KICS2: variants seen among roughly 807,000 people sequenced by gnomAD.
KICS2 encodes KICSTOR subunit 2.
KICS2 carries 13 observed loss-of-function variants against 31.4 expected under a neutral mutation model. The ratio of observed to expected loss-of-function variants is 0.41; its 90% confidence interval spans 0.27 to 0.66. KICS2 has a LOEUF of 0.66. Among genes scored for constraint, KICS2 ranks in the 30% least tolerant of loss-of-function variants. KICS2 has a pLI of 0.28. For synonymous variants in KICS2, 209 were observed against 214.8 expected, an observed-to-expected ratio of 0.97 and a Z score of 0.24; for missense variants, 455 against 545.4, an observed-to-expected ratio of 0.83 and a Z score of 1.65.
At chr12:64,204,776 C>CTG (rs2037521503) in intron 2 of KICS2, 1 of 150,746 alleles carries the variant, frequency 6.6e-6, no homozygotes, top group Non-Finnish European at 1.5e-5. Flanking sequence ...GAGTGAGACC[C>CTG]TGTGTTAAAA....
At chr12:64,220,650 G>C (rs2037672103) in intron 1 of KICS2, among the ~76,000 whole-genome samples, 1 of 151,828 alleles carries the variant, frequency 6.6e-6, no homozygotes, top group African/African-American at 2.4e-5. Context: ...CAGTATTACA[G>C]CTAGAATCCA....
rs2037389123 is a variant in KICS2 at position 64,192,541 on chromosome 12, T to G, written c.*1301A>C. On this transcript the variant is annotated 3_prime_UTR_variant, in exon 3 of 3. Coordinates refer to ENST00000398055, the MANE Select transcript of KICS2 (RefSeq NM_152440.5). ...TGGCATACCTGCTGTGGACACCCAG[T>G]AAAACAGTGGCTCCACACAATCATG... 2.1e-6 allele frequency: 2 copies of G among 935,408 alleles called. No individual in the cohort carries two copies. The highest frequency in any genetic ancestry group is 2.5e-6 in the Non-Finnish European group (2 of 784,574). 57.9% of individuals were successfully genotyped at this position (935,408 alleles called of 1,614,324 possible).
chr12:64,214,959 C>G (rs1018369859), intron 2 of KICS2, among the ~76,000 whole-genome samples: 47 of 152,072 alleles, frequency 3.1e-4, no homozygotes, highest in African/African-American at 9.4e-4. Context: ...AGATAAATCA[C>G]TGATTACTTT....
intron 2 of KICS2, among the ~76,000 whole-genome samples, chr12:64,202,718 TACTA>T (rs1190808945): frequency 2.0e-5 from 3 of 151,228 alleles, no homozygotes; most frequent in African/African-American, 7.3e-5. Flanking sequence ...TAAATCAGAT[TACTA>T]ACTCACTAAG....
At chr12:64,217,453 A>C (rs1478793245) in intron 1 of KICS2, among the ~76,000 whole-genome samples, 2 of 151,992 alleles carry the variant, frequency 1.3e-5, no homozygotes, top group East Asian at 3.9e-4. Context: ...TGCTAACACT[A>C]ACCATAGCTG....
chr12:64,216,019 C>T, intron 1 of KICS2, 56 bp from the exon 2 acceptor site: 1 of 1,474,800 alleles, frequency 6.8e-7, no homozygotes, highest in Non-Finnish European at 9.1e-7. Context: ...CCGTAAGTAC[C>T]AAACACCTAC....
At chr12:64,187,371 A>T (rs1428533106), downstream of KICS2, 7 of 501,736 alleles carry the variant, frequency 1.4e-5, no homozygotes, top group Non-Finnish European at 2.4e-5. Flanking sequence ...CAGAAGGGGG[A>T]ACCCATTTGC....
intron 2 of KICS2, among the ~76,000 whole-genome samples, chr12:64,209,451 GGCA>G (rs1270234737): frequency 6.6e-6 from 1 of 152,082 alleles, no homozygotes; most frequent in Non-Finnish European, 1.5e-5. Context: ...TGGGCATGGT[GGCA>G]GGCGCCTGTA....
intron 1 of KICS2, among the ~76,000 whole-genome samples, chr12:64,221,323 C>T (rs1297505234): frequency 6.6e-6 from 1 of 152,072 alleles, no homozygotes; most frequent in Non-Finnish European, 1.5e-5. Flanking sequence ...TATTCCATGC[C>T]TTTTACATCT....
chr12:64,186,613 A>G (rs1171859911), downstream of KICS2: 1 of 152,186 alleles, frequency 6.6e-6, no homozygotes, highest in Non-Finnish European at 1.5e-5. Context: ...TTTAAACATA[A>G]TGATTTTAGA....
intron 2 of KICS2, among the ~76,000 whole-genome samples, chr12:64,198,772 C>T (rs1422789620): frequency 7.6e-6 from 1 of 132,402 alleles, no homozygotes; most frequent in Admixed American, 7.8e-5. Context: ...AAGGGGATAT[C>T]ACCACTGATC....
intron 1 of KICS2, among the ~76,000 whole-genome samples, 183 bp from the exon 2 acceptor site, chr12:64,216,146 T>TATCATACTTTATGATA (rs1555182371): frequency 1.3e-4 from 19 of 145,078 alleles, no homozygotes; most frequent in South Asian, 4.2e-4. Flanking sequence ...ACTTTATGAT[T>TATCATACTTTATGATA]ATCATAAATA....
At chr12:64,214,262 C>T (rs944704386) in intron 2 of KICS2, among the ~76,000 whole-genome samples, 4 of 152,220 alleles carry the variant, frequency 2.6e-5, no homozygotes, top group Non-Finnish European at 5.9e-5. Flanking sequence ...AGCACAGCAG[C>T]TGTGATGGAG....
At chr12:64,219,878 T>C (rs1324743975) in intron 1 of KICS2, among the ~76,000 whole-genome samples, 1 of 152,236 alleles carries the variant, frequency 6.6e-6, no homozygotes. Context: ...ACTATATAAA[T>C]GTTCTAATGA....
chr12:64,195,520 GC>G lies in KICS2; in HGVS notation c.522-863del, dbSNP rs551445083. Among the ~76,000 whole-genome samples, 41 of 152,292 alleles carry G rather than the reference GC, an allele frequency of 2.7e-4. No homozygotes were observed. In the East Asian group the frequency reaches 7.7e-3, roughly 29 times the overall value. On this transcript the variant is annotated intron_variant, in intron 2 of 2. Coordinates refer to ENST00000398055, the MANE Select transcript of KICS2 (RefSeq NM_152440.5). The stretch of plus-strand genomic sequence containing the variant: ...AAAGAAATAGAGCATTTATCAGACA[GC>G]CCTTATTCAATCCTGGTTCCCAAAT...
At position 64,193,535 on chromosome 12, in the gene KICS2, G is replaced by GA. The variant is rs376482275; in HGVS notation, c.*306dup. 1.3e-3 allele frequency: 1,376 copies of GA among 1,022,486 alleles called. 1 individual carries two copies. The highest frequency in any genetic ancestry group is 4.7e-3 in the East Asian group (74 of 15,600). 63.3% of individuals were successfully genotyped at this position (1,022,486 alleles called of 1,614,324 possible). On this transcript the variant is annotated 3_prime_UTR_variant, in exon 3 of 3. Coordinates refer to ENST00000398055, the MANE Select transcript of KICS2 (RefSeq NM_152440.5). ...TTTAGAACAACAGAAAAACATATGG[G>GA]AAAAAAAAAAGCCCAATAAATATTC...
chr12:64,217,884 G>T (rs1022652642), intron 1 of KICS2, among the ~76,000 whole-genome samples: 4 of 150,070 alleles, frequency 2.7e-5, no homozygotes, highest in Non-Finnish European at 4.4e-5. Flanking sequence ...AGAAAGGAAA[G>T]GAAACCAAAG....
chr12:64,209,872 G>A (rs2037568701), intron 2 of KICS2, among the ~76,000 whole-genome samples: 1 of 152,180 alleles, frequency 6.6e-6, no homozygotes, highest in Non-Finnish European at 1.5e-5. Flanking sequence ...GTTCTGACAT[G>A]GATCAGCTAC....
chr12:64,191,758 A>G lies in KICS2; in HGVS notation c.*2084T>C, dbSNP rs1175291632. Reference sequence around the variant, plus strand: ...TATTTAAAGCAAACTAGCTTTTTACAAAGCTTATGACCATTTTTAAAGAAA... The same window carrying G: ...TATTTAAAGCAAACTAGCTTTTTACGAAGCTTATGACCATTTTTAAAGAAA... On this transcript the variant is annotated 3_prime_UTR_variant, in exon 3 of 3. Coordinates refer to ENST00000398055, the MANE Select transcript of KICS2 (RefSeq NM_152440.5). The G allele has an allele frequency of 6.6e-6, 1 of 152,204 alleles. No individual in the cohort carries two copies. Among genetic ancestry groups the G allele is most frequent in the Non-Finnish European group, 1.5e-5 (1 of 68,042 alleles). The allele number at this position is 152,204 out of a possible 1,614,324, so 9.4% of individuals were successfully genotyped here.
Sources: allele counts gnomAD v4.1 joint callset (sites outside exome capture counted in the v4.1 genomes callset), GRCh38; gene constraint gnomAD v4.1.1; transcripts MANE v1.5; gene names NCBI Gene and HGNC (gene_info 2026-07-23, HGNC 2026-07-21).